The following KLHL7 variants were observed in gnomAD, a reference collection of about 807,000 sequenced individuals.
KLHL7 encodes kelch-like protein 7.
In KLHL7, 44 loss-of-function variants were observed where a neutral mutation model predicts 67.4. That is an observed-to-expected ratio of 0.65 (90% confidence interval 0.51 to 0.84). KLHL7 has a LOEUF of 0.84. Among genes scored for constraint, KLHL7 ranks in the 40% least tolerant of loss-of-function variants. The pLI, the probability that KLHL7 is intolerant of heterozygous loss-of-function variation, is 0.00. For synonymous variants in KLHL7, 252 were observed against 243.3 expected, an observed-to-expected ratio of 1.04 and a Z score of -0.33; for missense variants, 362 against 718.1, an observed-to-expected ratio of 0.50 and a Z score of 5.67.
intron 7 of KLHL7, among the ~76,000 whole-genome samples, chr7:23,163,168 C>CT (rs375346183): frequency 0.023 from 3,474 of 149,474 alleles, 117 homozygotes; most frequent in African/African-American, 0.078. Flanking sequence ...AGCTTTTACT[C>CT]TTTTTTTTTT....
chr7:23,109,831 A>G (rs905460015), intron 1 of KLHL7, among the ~76,000 whole-genome samples: 10 of 152,214 alleles, frequency 6.6e-5, no homozygotes, highest in Admixed American at 2.0e-4. Flanking sequence ...ACTTTCATTG[A>G]CAATTCCAGT....
rs6947801 is a variant in KLHL7, at chr7:23,175,767, C to G, written c.*1469C>G. The stretch of plus-strand genomic sequence containing the variant: ...TTTGAGGTCAGCAGTTCAAGACCAC[C>G]CTGGCCAACATGATGAGACCCCGTC... On this transcript the variant is annotated 3_prime_UTR_variant, in exon 11 of 11. Coordinates refer to ENST00000339077, the MANE Select transcript of KLHL7 (RefSeq NM_001031710.3). The G allele has an allele frequency of 0.02, 3,403 of 173,066 alleles. 118 individuals are homozygous for G. Among genetic ancestry groups the G allele is most frequent in the African/African-American group, 0.077 (3,202 of 41,392 alleles). 10.7% of individuals were successfully genotyped at this position (173,066 alleles called of 1,614,324 possible). A position where few individuals can be genotyped will look rare whatever the true frequency, so the allele number is the denominator to read the frequency against.
At chr7:23,129,945 T>C (rs1395249291) in intron 4 of KLHL7, 1 of 147,616 alleles carries the variant, frequency 6.8e-6, no homozygotes, top group Non-Finnish European at 1.6e-5. Flanking sequence ...AATGTAGGCA[T>C]GTATAAGAAT....
chr7:23,153,221 C>T (rs1562582483), intron 7 of KLHL7, among the ~76,000 whole-genome samples: 1 of 115,102 alleles, frequency 8.7e-6, no homozygotes, highest in Non-Finnish European at 2.0e-5. Flanking sequence ...ATTCCTGAGG[C>T]GGCGGGGGGG....
intron 6 of KLHL7, among the ~76,000 whole-genome samples, chr7:23,151,157 G>GTT (rs1378700987): frequency 2.0e-5 from 1 of 50,074 alleles, no homozygotes; most frequent in Admixed American, 1.6e-4. Context: ...GGCCTGTTTT[G>GTT]TTTTTTTTTT....
At chr7:23,106,885 A>G (rs1782667019) in intron 1 of KLHL7, 1 of 872,626 alleles carries the variant, frequency 1.1e-6, no homozygotes, top group African/African-American at 1.8e-5. Flanking sequence ...TACACCGATA[A>G]GCATAGAAAG....
At chr7:23,145,984 G>C (rs988115033) in intron 6 of KLHL7, among the ~76,000 whole-genome samples, 1 of 152,178 alleles carries the variant, frequency 6.6e-6, no homozygotes, top group Non-Finnish European at 1.5e-5. Context: ...CTCCTGCCGA[G>C]GCTTCCCAAG....
intron 9 of KLHL7, among the ~76,000 whole-genome samples, chr7:23,170,524 G>C (rs978383848): frequency 3.3e-5 from 5 of 152,184 alleles, no homozygotes; most frequent in Non-Finnish European, 2.9e-5. Flanking sequence ...GGAGACTATA[G>C]TTAACAATAA....
Position 23,123,278 on chromosome 7 carries a change from G to A in KLHL7, c.121-499G>A, listed in dbSNP as rs1783423999. Among the ~76,000 whole-genome samples the A allele has an allele frequency of 1.3e-5, 2 of 152,168 alleles. 1 individual carries two copies. The highest frequency in any genetic ancestry group is 4.1e-4 in the South Asian group (2 of 4,832). On this transcript the variant is annotated intron_variant, in intron 1 of 10. Transcript: ENST00000339077. ...CCTCTCTGTATTCTGAGCTGTTTCT[G>A]TTTCAAGTTAGATCTGTGAATGCTA... is the stretch of plus-strand genomic sequence containing the variant.
chr7:23,144,042 A>G lies in KLHL7; in HGVS notation c.793+17A>G. The G allele has an allele frequency of 6.2e-7, 1 of 1,600,812 alleles. No individual in the cohort carries two copies. The highest frequency in any genetic ancestry group is 1.7e-5 in the Admixed American group (1 of 60,000). ...TGGTGATAAGTAAGTTGCCTTAATA[A>G]CCATTTATAACCTGATCATGTAGCC... On this transcript the variant is annotated intron_variant, in intron 6 of 10. Transcript: ENST00000339077.
intron 7 of KLHL7, among the ~76,000 whole-genome samples, chr7:23,154,934 A>G (rs966274117): frequency 6.6e-6 from 1 of 152,178 alleles, no homozygotes; most frequent in Admixed American, 6.5e-5. Flanking sequence ...TAGAGAAAGA[A>G]ACTTCCATCA....
At position 23,129,445 on chromosome 7, in the gene KLHL7, C is replaced by T. The variant is rs138909720; in HGVS notation, c.442+4273C>T. The T allele has an allele frequency of 3.4e-4, 124 of 368,160 alleles. No homozygotes were observed. In the East Asian group the frequency reaches 9.4e-3, roughly 28 times the overall value. 22.8% of individuals were successfully genotyped at this position (368,160 alleles called of 1,614,324 possible). On this transcript the variant is annotated intron_variant, in intron 4 of 10. Coordinates refer to ENST00000339077, the MANE Select transcript of KLHL7 (RefSeq NM_001031710.3). ...AATCTCACCTAATATAGCTGGTTTT[C>T]CAAGGACACTGCCATAGGCAGAAGC...
Position 23,176,703 on chromosome 7 carries a change from G to C in KLHL7, c.*2405G>C, listed in dbSNP as rs1785300593. ...AAAAAAAAAAAAAAAGCTGGGCGCT[G>C]TGTCTCACGCCCTTAATCCCAGCAC... On this transcript the variant is annotated 3_prime_UTR_variant, in exon 11 of 11. Coordinates refer to ENST00000339077, the MANE Select transcript of KLHL7 (RefSeq NM_001031710.3). 6.7e-6 allele frequency: 1 copy of C among 148,788 alleles called. No homozygotes were observed. The highest frequency in any genetic ancestry group is 2.1e-4 in the South Asian group (1 of 4,658). The allele number at this position is 148,788 out of a possible 1,614,324, so 9.2% of individuals were successfully genotyped here. A position where few individuals can be genotyped will look rare whatever the true frequency, so the allele number is the denominator to read the frequency against.
chr7:23,152,465 A>C (rs1784566711), intron 7 of KLHL7, among the ~76,000 whole-genome samples: 1 of 151,286 alleles, frequency 6.6e-6, no homozygotes, highest in African/African-American at 2.4e-5. Flanking sequence ...GTTCTTCCTC[A>C]CCCCTTTATG....
At chr7:23,169,118 G>A (rs902423102) in intron 9 of KLHL7, among the ~76,000 whole-genome samples, 5 of 152,086 alleles carry the variant, frequency 3.3e-5, no homozygotes, top group African/African-American at 1.2e-4. Context: ...AAAACTAGCT[G>A]GGTGTTGTGG....
At chr7:23,146,667 T>TTCTTCTTCTTCTTCTTCTTCTTC (rs61573730) in intron 6 of KLHL7, among the ~76,000 whole-genome samples, 1 of 71,536 alleles carries the variant, frequency 1.4e-5, no homozygotes, top group African/African-American at 4.6e-5. Flanking sequence ...CTTCTTCTTC[T>TTCTTCTTCTTCTTCTTCTTCTTC]TTTTTTTTTA....
chr7:23,151,619 G>A (rs962667246), intron 6 of KLHL7, among the ~76,000 whole-genome samples: 2 of 152,176 alleles, frequency 1.3e-5, no homozygotes, highest in Non-Finnish European at 2.9e-5. Context: ...GATTTAAGAA[G>A]CCCTTTAAAA....
intron 5 of KLHL7, 124 bp from the exon 6 acceptor site, chr7:23,143,727 A>T: frequency 9.8e-7 from 1 of 1,017,944 alleles, no homozygotes; most frequent in South Asian, 1.3e-5. Flanking sequence ...CCAGGGATGA[A>T]AAATACTAGA....
At chr7:23,123,142 G>A (rs1367391606) in intron 1 of KLHL7, among the ~76,000 whole-genome samples, 2 of 152,046 alleles carry the variant, frequency 1.3e-5, no homozygotes, top group Non-Finnish European at 2.9e-5. Context: ...CTATTTTGAC[G>A]TTGGTCAGAA....
Sources: allele counts gnomAD v4.1 joint callset (sites outside exome capture counted in the v4.1 genomes callset), GRCh38; gene constraint gnomAD v4.1.1; transcripts MANE v1.5; gene names NCBI Gene and HGNC (gene_info 2026-07-23, HGNC 2026-07-21).